NTM: variants seen among roughly 807,000 people sequenced by gnomAD.
NTM encodes the protein IgLON family member 2.
A neutral mutation model predicts 42.1 loss-of-function variants in NTM; 13 were observed. The ratio of observed to expected loss-of-function variants is 0.31; its 90% CI spans 0.20 to 0.49. NTM has a LOEUF of 0.49. NTM is among the 20% of genes least tolerant of loss of function. NTM has a pLI of 0.99. For missense variants in NTM, 373 were observed against 452.8 expected, an observed-to-expected ratio of 0.82 and a Z score of 1.60; for synonymous variants, 187 against 179.2, an observed-to-expected ratio of 1.04 and a Z score of -0.35.
At chr11:131,855,018 C>T (rs755068087) in intron 1 of NTM, among the ~76,000 whole-genome samples, 5 of 152,108 alleles carry the variant, frequency 3.3e-5, no homozygotes, top group African/African-American at 4.8e-5. Context: ...TGTGTGGGAC[C>T]GGTGCTGATG....
At chr11:131,871,464 G>A (rs1479217843) in intron 1 of NTM, among the ~76,000 whole-genome samples, 10 of 152,198 alleles carry the variant, frequency 6.6e-5, no homozygotes, top group Non-Finnish European at 1.5e-5. Flanking sequence ...AGGTATCACA[G>A]GCAGGCAGAC....
chr11:131,483,493 GA>G (rs1360787890), intron 1 of NTM, among the ~76,000 whole-genome samples: 1 of 152,202 alleles, frequency 6.6e-6, no homozygotes, highest in East Asian at 1.9e-4. Flanking sequence ...GTAGGAGTCT[GA>G]ATTTTTATAA....
At chr11:131,604,222 C>G (rs953230374) in intron 1 of NTM, among the ~76,000 whole-genome samples, 1 of 152,084 alleles carries the variant, frequency 6.6e-6, no homozygotes, top group African/African-American at 2.4e-5. Context: ...TAACCTTCCT[C>G]GTGGGTGTGA....
At chr11:131,896,700 T>C (rs982267581) in intron 1 of NTM, among the ~76,000 whole-genome samples, 6 of 144,970 alleles carry the variant, frequency 4.1e-5, no homozygotes, top group Admixed American at 2.8e-4. Context: ...TTTTTTTTTT[T>C]TTCTCTGAGA....
chr11:131,499,732 C>T (rs541548286), intron 1 of NTM, among the ~76,000 whole-genome samples: 21 of 152,236 alleles, frequency 1.4e-4, no homozygotes, highest in African/African-American at 2.9e-4. Context: ...GTTATTAATA[C>T]GCTAAGTTTC....
chr11:131,729,890 A>G (rs561069232), intron 1 of NTM, among the ~76,000 whole-genome samples: 9 of 152,044 alleles, frequency 5.9e-5, no homozygotes, highest in African/African-American at 2.2e-4. Context: ...TCATTAAGAA[A>G]GCATCTATGA....
chr11:131,460,709 C>T (rs56000125), intron 1 of NTM, among the ~76,000 whole-genome samples: 62 of 152,214 alleles, frequency 4.1e-4, no homozygotes, highest in Admixed American at 6.5e-4. Flanking sequence ...CCCACCACCA[C>T]GCCTGGCTAA....
chr11:132,184,050 A>C (rs532696988), intron 3 of NTM, among the ~76,000 whole-genome samples: 36 of 152,274 alleles, frequency 2.4e-4, no homozygotes, highest in African/African-American at 7.9e-4. Context: ...GCCAAGCACA[A>C]ACTGGAAACG....
chr11:131,789,817 G>A (rs1301097997), intron 1 of NTM, among the ~76,000 whole-genome samples: 22 of 151,086 alleles, frequency 1.5e-4, no homozygotes, highest in South Asian at 8.4e-4. Context: ...TTAGCCGGGT[G>A]TGGTGGCGGG....
intron 1 of NTM, among the ~76,000 whole-genome samples, chr11:131,507,045 T>A (rs1383459087): frequency 6.6e-6 from 1 of 152,202 alleles, no homozygotes; most frequent in Non-Finnish European, 1.5e-5. Flanking sequence ...ACGTCCCTTA[T>A]ATCGGTACAC....
At chr11:132,325,016 A>T (rs1224742201) in intron 7 of NTM, among the ~76,000 whole-genome samples, 1 of 151,706 alleles carries the variant, frequency 6.6e-6, no homozygotes, top group East Asian at 1.9e-4. Flanking sequence ...CACAAAAATC[A>T]ATTCAAGATG....
At chr11:131,569,711 G>A (rs1477388034) in intron 1 of NTM, among the ~76,000 whole-genome samples, 3 of 146,224 alleles carry the variant, frequency 2.1e-5, no homozygotes, top group Admixed American at 6.8e-5. Flanking sequence ...CTGAGAGCTG[G>A]GACTACAGGT....
chr11:132,065,698 T>C (rs1046361036), intron 2 of NTM, among the ~76,000 whole-genome samples: 13 of 152,360 alleles, frequency 8.5e-5, no homozygotes, highest in African/African-American at 2.6e-4. Flanking sequence ...TCATGGGTTC[T>C]AATCCTGACT....
intron 2 of NTM, among the ~76,000 whole-genome samples, chr11:131,945,270 T>C (rs1299917050): frequency 6.6e-6 from 1 of 152,236 alleles, no homozygotes; most frequent in African/African-American, 2.4e-5. Flanking sequence ...AGGTCTGCTG[T>C]AGCACTTAAC....
intron 1 of NTM, among the ~76,000 whole-genome samples, chr11:131,371,344 A>C (rs1941147135): frequency 1.3e-5 from 2 of 152,164 alleles, no homozygotes; most frequent in Non-Finnish European, 2.9e-5. Context: ...CAAAGGGGAA[A>C]ATGCAGGCTA....
chr11:131,459,997 G>C (rs1413513984), intron 1 of NTM, among the ~76,000 whole-genome samples: 2 of 152,090 alleles, frequency 1.3e-5, no homozygotes, highest in Non-Finnish European at 2.9e-5. Context: ...CTCCGTGGCA[G>C]AACTTAAAAA....
intron 1 of NTM, among the ~76,000 whole-genome samples, chr11:131,599,033 C>A (rs959231916): frequency 1.3e-5 from 2 of 151,932 alleles, no homozygotes; most frequent in African/African-American, 4.8e-5. Flanking sequence ...CTTGCCTCAG[C>A]CTCCCCTAGT....
intron 2 of NTM, among the ~76,000 whole-genome samples, chr11:131,956,475 C>G (rs2061565336): frequency 6.6e-6 from 1 of 152,012 alleles, no homozygotes; most frequent in African/African-American, 2.4e-5. Context: ...TAGCATTACT[C>G]TGGGTATCTG....
At chr11:131,948,217 T>C (rs1245496742) in intron 2 of NTM, among the ~76,000 whole-genome samples, 2 of 151,430 alleles carry the variant, frequency 1.3e-5, no homozygotes, top group Admixed American at 6.6e-5. Context: ...AAAAAAAAAT[T>C]AGCCAGGCGT....
Sources: allele counts gnomAD v4.1 joint callset (sites outside exome capture counted in the v4.1 genomes callset), GRCh38; gene constraint gnomAD v4.1.1; transcripts MANE v1.5; gene names NCBI Gene and HGNC (gene_info 2026-07-23, HGNC 2026-07-21).